SMAD1: variants seen among roughly 807,000 people sequenced by gnomAD.
SMAD1 encodes MAD, mothers against decapentaplegic homolog 1.
Under a neutral mutation model 41.6 loss-of-function variants are expected in SMAD1, and 6 were observed. The observed-to-expected ratio is 0.14, with a 90% CI of 0.08 to 0.28. The LOEUF is 0.28. SMAD1 is among the 10% of genes least tolerant of loss of function. The pLI, the probability that SMAD1 is intolerant of heterozygous loss-of-function variation, is 1.00. For missense variants in SMAD1, 379 were observed against 582.6 expected (o/e 0.65, Z 3.60); for synonymous variants, 206 against 203.2 (o/e 1.01, Z -0.12).
intron 1 of SMAD1, chr4:145,503,898 C>G (rs551881422): frequency 2.6e-5 from 4 of 152,316 alleles, no homozygotes; most frequent in Non-Finnish European, 5.9e-5. Context: ...AAATGGTGTC[C>G]TGTCCAGGGG....
chr4:145,556,379 C>CATATAT (rs1732835481), intron 6 of SMAD1, among the ~76,000 whole-genome samples: 2 of 152,048 alleles, frequency 1.3e-5, no homozygotes, highest in Non-Finnish European at 1.5e-5. Context: ...AGTGTACATA[C>CATATAT]ATCTATGTAG....
At chr4:145,513,075 A>T (rs756715396) in intron 1 of SMAD1, among the ~76,000 whole-genome samples, 3 of 152,196 alleles carry the variant, frequency 2.0e-5, no homozygotes, top group African/African-American at 7.2e-5. Context: ...GGGGTTCCTC[A>T]GCGCTATGAG....
At chr4:145,540,984 A>G (rs1266819101) in intron 3 of SMAD1, among the ~76,000 whole-genome samples, 1 of 152,096 alleles carries the variant, frequency 6.6e-6, no homozygotes, top group Non-Finnish European at 1.5e-5. Flanking sequence ...ACCTTCTTTT[A>G]TTTAAATCTT....
At position 145,514,681 on chromosome 4, in the gene SMAD1, G is replaced by A. The variant is rs778232288; in HGVS notation, c.68G>A (p.Gly23Asp). 1.2e-6 allele frequency: 2 copies of A among 1,614,024 alleles called. No individual in the cohort carries two copies. The highest frequency in any genetic ancestry group is 1.7e-6 in the Non-Finnish European group (2 of 1,180,004). ...AVKRLLGWKQ[G>D]DEEEKWAEKA... ...AAGAGACTTCTTGGGTGGAAACAGGGCGATGAAGAAGAAAAATGGGCAGAG... is the reference window on the plus strand; with the variant it reads ...AAGAGACTTCTTGGGTGGAAACAGGACGATGAAGAAGAAAAATGGGCAGAG... Residue 23 changes from glycine to aspartate, a missense_variant, in exon 2 of 7, where the codon GGC (glycine) becomes GAC (aspartate). Transcript: ENST00000302085. This position sits in a 1 kb window ranked among gnomAD's most constrained non-coding sequence, Gnocchi z 4.7.
intron 3 of SMAD1, among the ~76,000 whole-genome samples, chr4:145,540,461 A>C (rs1192100338): frequency 6.6e-6 from 1 of 152,236 alleles, no homozygotes; most frequent in Non-Finnish European, 1.5e-5. Context: ...TCCTGTTGCA[A>C]GTGCAACCTC....
chr4:145,488,016 A>ACT (rs1418322701), intron 1 of SMAD1, among the ~76,000 whole-genome samples: 1 of 151,926 alleles, frequency 6.6e-6, no homozygotes, highest in African/African-American at 2.4e-5. Context: ...TTTAGAGAAG[A>ACT]CTCTCTCTTG....
chr4:145,500,711 G>C (rs1241393514), intron 1 of SMAD1, among the ~76,000 whole-genome samples: 1 of 152,038 alleles, frequency 6.6e-6, no homozygotes, highest in East Asian at 1.9e-4. Flanking sequence ...AACTGTAGTG[G>C]TTACTAGTTT....
chr4:145,514,894 G>T lies in SMAD1; in HGVS notation c.281G>T (p.Trp94Leu). ...PHVIYCRVWRWPDLQSHHELK... is the reference protein window; with the variant it reads ...PHVIYCRVWRLPDLQSHHELK... Reference sequence around the variant, plus strand: ...GTCATTTACTGCCGTGTGTGGCGCTGGCCCGATCTTCAGAGCCACCATGAA... The same window carrying T: ...GTCATTTACTGCCGTGTGTGGCGCTTGCCCGATCTTCAGAGCCACCATGAA... Residue 94 changes from tryptophan to leucine, a missense_variant, in exon 2 of 7, where the codon TGG (tryptophan) becomes TTG (leucine). Trp to Leu is a moderately conservative substitution (Grantham distance 61). Coordinates refer to ENST00000302085, the MANE Select transcript of SMAD1 (RefSeq NM_005900.3). The surrounding 1 kb of genome is among the most constrained non-coding windows in gnomAD (Gnocchi z 4.7). 1 of 1,613,976 alleles carries T rather than the reference G, an allele frequency of 6.2e-7. No homozygotes were observed. The highest frequency in any genetic ancestry group is 8.5e-7 in the Non-Finnish European group (1 of 1,179,988).
intron 2 of SMAD1, 92 bp downstream of exon 2, chr4:145,515,105 T>C (rs868084914): frequency 7.7e-7 from 1 of 1,292,196 alleles, no homozygotes; most frequent in Non-Finnish European, 1.1e-6. Context: ...TGCTTGTTTT[T>C]AGTTGTAATT....
rs1473671578 is a variant in SMAD1 at position 145,482,468 on chromosome 4, C to T, written c.-177+430C>T. On this transcript the variant is annotated intron_variant, in intron 1 of 6. Transcript: ENST00000302085. This position sits in a 1 kb window ranked among gnomAD's most constrained non-coding sequence, Gnocchi z 4.2. ...TGCTGCCGCCGGGCCGAGGCCCGTT[C>T]GCGTGGCCCGCGGACCCATTGTGTC... 1 of 152,088 alleles carries T rather than the reference C, an allele frequency of 6.6e-6. No individual in the cohort carries two copies. Among genetic ancestry groups the T allele is most frequent in the Non-Finnish European group, 1.5e-5 (1 of 68,008 alleles). 9.4% of individuals were successfully genotyped at this position (152,088 alleles called of 1,614,324 possible). A position where few individuals can be genotyped will look rare whatever the true frequency, so the allele number is the denominator to read the frequency against.
chr4:145,556,391 T>TATATATATATCTATGTAG (rs1436689384), intron 6 of SMAD1, among the ~76,000 whole-genome samples: 9 of 152,080 alleles, frequency 5.9e-5, no homozygotes, highest in African/African-American at 2.2e-4. Context: ...TCTATGTAGA[T>TATATATATATCTATGTAG]ATATATATAT....
chr4:145,492,753 A>C (rs1165958260), intron 1 of SMAD1, among the ~76,000 whole-genome samples: 1 of 152,232 alleles, frequency 6.6e-6, no homozygotes, highest in African/African-American at 2.4e-5. Flanking sequence ...GCCAGCCAAC[A>C]GTCAATCATT....
intron 3 of SMAD1, among the ~76,000 whole-genome samples, chr4:145,540,318 A>G (rs1034308850): frequency 6.6e-6 from 1 of 152,276 alleles, no homozygotes. Flanking sequence ...GTTTTGAAAC[A>G]GCTGCATCCT....
intron 1 of SMAD1, among the ~76,000 whole-genome samples, chr4:145,489,762 G>C (rs974579475): frequency 1.3e-5 from 2 of 152,190 alleles, no homozygotes; most frequent in Non-Finnish European, 2.9e-5. Flanking sequence ...CTTTACGTTA[G>C]ACTCTCTGCA....
intron 1 of SMAD1, among the ~76,000 whole-genome samples, chr4:145,503,283 T>C (rs1261045923): frequency 6.6e-6 from 1 of 152,184 alleles, no homozygotes; most frequent in Non-Finnish European, 1.5e-5. Flanking sequence ...AGCAGAGTTC[T>C]GTGTTCTCTG....
rs1471340295 is a variant in SMAD1, at chr4:145,482,669, G to C, written c.-177+631G>C. The C allele has an allele frequency of 6.6e-6, 1 of 152,032 alleles. No homozygotes were observed. Among genetic ancestry groups the C allele is most frequent in the East Asian group, 1.9e-4 (1 of 5,166 alleles). 9.4% of individuals were successfully genotyped at this position (152,032 alleles called of 1,614,324 possible). ...CAAGCCTCTTTGGGGTCGAGGTCAA[G>C]GAAAGTTCGCACCGAGATCCCCTCT... is the stretch of plus-strand genomic sequence containing the variant. On this transcript the variant is annotated intron_variant, in intron 1 of 6. Transcript: ENST00000302085. The surrounding 1 kb of genome is among the most constrained non-coding windows in gnomAD (Gnocchi z 4.2).
At chr4:145,512,420 T>A (rs1730131949) in intron 1 of SMAD1, among the ~76,000 whole-genome samples, 1 of 152,222 alleles carries the variant, frequency 6.6e-6, no homozygotes, top group South Asian at 2.1e-4. Flanking sequence ...CTTAGTTCTT[T>A]ATTTTTCATT....
At chr4:145,510,177 CTTTT>C (rs901335781) in intron 1 of SMAD1, among the ~76,000 whole-genome samples, 9 of 152,062 alleles carry the variant, frequency 5.9e-5, no homozygotes, top group African/African-American at 1.9e-4. Context: ...TGTGCCTTCT[CTTTT>C]TTATTTATCA....
At chr4:145,554,735 C>G (rs962514766) in intron 6 of SMAD1, among the ~76,000 whole-genome samples, 2 of 152,142 alleles carry the variant, frequency 1.3e-5, no homozygotes, top group African/African-American at 4.8e-5. Flanking sequence ...CCATTGAAAT[C>G]TTAAAAACCT....
Sources: allele counts gnomAD v4.1 joint callset (sites outside exome capture counted in the v4.1 genomes callset), GRCh38; gene constraint gnomAD v4.1.1; non-coding constraint Gnocchi (gnomAD v3.1); transcripts MANE v1.5; gene names NCBI Gene and HGNC (gene_info 2026-07-23, HGNC 2026-07-21).